Variants in XKR9 observed in about 807,000 individuals in gnomAD.
XKR9 encodes XK-related protein 9.
A neutral mutation model predicts 32.0 loss-of-function variants in XKR9; 32 were observed. The ratio of observed to expected loss-of-function variants is 1.00; its 90% CI spans 0.76 to 1.34. XKR9 has a LOEUF of 1.34. Among genes scored for constraint, XKR9 ranks in the 40% most tolerant of loss-of-function variants. The pLI, the probability that XKR9 is intolerant of heterozygous loss-of-function variation, is 0.00. For synonymous variants in XKR9, 168 were observed against 143.4 expected (o/e 1.17, Z -1.22); for missense variants, 546 against 429.7 (o/e 1.27, Z -2.39).
chr8:70,773,731 A>T (rs769360484), intron 2 of XKR9, among the ~76,000 whole-genome samples: 1 of 152,218 alleles, frequency 6.6e-6, no homozygotes, highest in African/African-American at 2.4e-5. Context: ...GCAATGAATC[A>T]ACAAAATGAG....
the XKR9 span, among the ~76,000 whole-genome samples, chr8:70,895,238 A>G: frequency 2.0e-5 from 3 of 152,052 alleles, no homozygotes; most frequent in East Asian, 5.8e-4. Context: ...AAGGATCAGA[A>G]TTTCCTTCTG....
intron 3 of XKR9, among the ~76,000 whole-genome samples, chr8:70,689,611 T>G (rs1252375506): frequency 6.6e-6 from 1 of 151,766 alleles, no homozygotes. Flanking sequence ...TTGTTTGTAA[T>G]AGAAAAATAT....
the XKR9 span, among the ~76,000 whole-genome samples, chr8:70,826,133 C>G: frequency 7.9e-5 from 12 of 152,110 alleles, no homozygotes; most frequent in African/African-American, 2.9e-4. Flanking sequence ...CAAGGGAAGA[C>G]CTTATTGGCT....
the XKR9 span, among the ~76,000 whole-genome samples, chr8:70,964,873 A>G: frequency 2.0e-5 from 3 of 152,182 alleles, no homozygotes; most frequent in East Asian, 3.8e-4. Flanking sequence ...TTTTCCAGAT[A>G]TAGGATCATG....
the XKR9 span, among the ~76,000 whole-genome samples, chr8:70,873,982 A>G: frequency 2.0e-5 from 3 of 152,194 alleles, no homozygotes; most frequent in Admixed American, 6.5e-5. Flanking sequence ...GCAGCCACCA[A>G]CCCTGAGGTG....
chr8:70,865,925 C>G, the XKR9 span, among the ~76,000 whole-genome samples: 42 of 152,128 alleles, frequency 2.8e-4, no homozygotes, highest in African/African-American at 1.0e-3. Context: ...CTAATTCGAG[C>G]ACTTTTTTAC....
At chr8:70,789,521 C>T (rs901038171) in intron 3 of XKR9, 4 of 151,984 alleles carry the variant, frequency 2.6e-5, no homozygotes, top group African/African-American at 7.2e-5. Context: ...AATGCAGACA[C>T]AGTGGTACAA....
intron 3 of XKR9, among the ~76,000 whole-genome samples, chr8:70,685,928 AAATC>A (rs1296366855): frequency 6.6e-6 from 1 of 151,142 alleles, no homozygotes; most frequent in Non-Finnish European, 1.5e-5. Context: ...AAATAAAATT[AAATC>A]AATTAAAAAT....
chr8:71,014,441 C>T, the XKR9 span, among the ~76,000 whole-genome samples: 1 of 152,118 alleles, frequency 6.6e-6, no homozygotes, highest in East Asian at 1.9e-4. Context: ...CTTCCAACTT[C>T]TGCTGGGTCC....
intron 2 of XKR9, among the ~76,000 whole-genome samples, chr8:70,776,112 T>G (rs1807516647): frequency 6.6e-6 from 1 of 152,116 alleles, no homozygotes; most frequent in Non-Finnish European, 1.5e-5. Flanking sequence ...TTTCACAAAA[T>G]CAGTTGAGAA....
At chr8:70,930,011 A>G in the XKR9 span, among the ~76,000 whole-genome samples, 6 of 152,146 alleles carry the variant, frequency 3.9e-5, no homozygotes, top group Non-Finnish European at 7.4e-5. Context: ...GCTAATTTTG[A>G]CCAGGTTTGA....
At chr8:71,027,957 A>G in the XKR9 span, among the ~76,000 whole-genome samples, 1 of 152,082 alleles carries the variant, frequency 6.6e-6, no homozygotes, top group Non-Finnish European at 1.5e-5. Context: ...TTTTTTTTGT[A>G]GAGACAGGGG....
the XKR9 span, among the ~76,000 whole-genome samples, chr8:71,054,521 A>G: frequency 2.0e-5 from 3 of 152,242 alleles, no homozygotes; most frequent in South Asian, 6.2e-4. Context: ...CTCCCAAAGC[A>G]CCACTTCTGT....
chr8:71,047,732 C>T, the XKR9 span, among the ~76,000 whole-genome samples: 1 of 152,212 alleles, frequency 6.6e-6, no homozygotes, highest in Admixed American at 6.5e-5. Context: ...TCTGTACCCA[C>T]AGCACCTTGT....
chr8:70,732,856 G>A (rs892015523), intron 4 of XKR9, among the ~76,000 whole-genome samples: 6 of 152,186 alleles, frequency 3.9e-5, no homozygotes, highest in African/African-American at 1.4e-4. Flanking sequence ...AGTGGCTCAC[G>A]CCTGTAATCC....
At chr8:70,810,103 T>C in the XKR9 span, among the ~76,000 whole-genome samples, 1 of 152,180 alleles carries the variant, frequency 6.6e-6, no homozygotes, top group African/African-American at 2.4e-5. Context: ...CGGCAGAAAC[T>C]CTACAAGCCA....
At chr8:70,790,810 C>T (rs772908211), downstream of XKR9, among the ~76,000 whole-genome samples, 13 of 151,940 alleles carry the variant, frequency 8.6e-5, no homozygotes, top group South Asian at 2.1e-4. Context: ...TTATTAGCAA[C>T]GGAAATTTAT....
intron 3 of XKR9, among the ~76,000 whole-genome samples, chr8:70,685,918 A>T (rs1819260604): frequency 6.6e-6 from 1 of 151,600 alleles, no homozygotes; most frequent in South Asian, 2.1e-4. Context: ...TAAATAATTT[A>T]AATAAAATTA....
At chr8:70,717,304 C>T (rs995339818) in intron 4 of XKR9, among the ~76,000 whole-genome samples, 2 of 152,192 alleles carry the variant, frequency 1.3e-5, no homozygotes, top group African/African-American at 4.8e-5. Flanking sequence ...GCTCCAACCC[C>T]ACATTTCCCT....
Sources: gnomAD v4.1 joint callset for allele counts (sites outside exome capture counted in the v4.1 genomes callset) on GRCh38, gnomAD v4.1.1 for gene constraint, MANE v1.5 for transcripts, NCBI Gene and HGNC (gene_info 2026-07-23, HGNC 2026-07-21) for gene names.